ERC2: variants seen among roughly 807,000 people sequenced by gnomAD.
The protein encoded by ERC2 is ELKS/RAB6-interacting/CAST family member 2, also known as ERC protein 2.
In ERC2, 42 loss-of-function variants were observed where a neutral mutation model predicts 114.8. The ratio of observed to expected loss-of-function variants is 0.37; its 90% CI spans 0.29 to 0.47. The LOEUF is 0.47. Among genes scored for constraint, ERC2 ranks in the 20% least tolerant of loss-of-function variants. The pLI, the probability that ERC2 is intolerant of heterozygous loss-of-function variation, is 0.99. For synonymous variants in ERC2, 454 were observed against 425.5 expected (o/e 1.07, Z -0.82); for missense variants, 939 against 1,150.7 (o/e 0.82, Z 2.66).
chr3:56,017,499 G>C (rs1179269386), intron 8 of ERC2, among the ~76,000 whole-genome samples: 1 of 152,078 alleles, frequency 6.6e-6, no homozygotes, highest in East Asian at 1.9e-4. Flanking sequence ...TAAAAATCTT[G>C]TCTCACAAGG....
Position 55,786,377 on chromosome 3 carries a change from G to C in ERC2, c.2565-51459C>G, listed in dbSNP as rs111706975. ...CATGCCCATTGAGCTCATTACAGAG[G>C]AACAAAAAAGTCTGATCTCTGGGTC... On this transcript the variant is annotated intron_variant, in intron 14 of 17. Coordinates refer to ENST00000288221, the MANE Select transcript of ERC2 (RefSeq NM_015576.3). 3.0e-3 allele frequency among the ~76,000 whole-genome samples: 458 copies of C among 152,258 alleles called. 2 individuals carry two copies. The highest frequency in any genetic ancestry group is 0.01 in the African/African-American group (436 of 41,542).
chr3:55,777,149 C>T (rs1313751163), intron 14 of ERC2, among the ~76,000 whole-genome samples: 1 of 152,196 alleles, frequency 6.6e-6, no homozygotes, highest in Admixed American at 6.5e-5. Flanking sequence ...GGACAAATGG[C>T]CTTGCCAGGC....
chr3:55,758,630 C>T (rs1272147478), intron 14 of ERC2, among the ~76,000 whole-genome samples: 10 of 152,340 alleles, frequency 6.6e-5, no homozygotes, highest in Non-Finnish European at 1.3e-4. Flanking sequence ...CTAGCCTACA[C>T]GCCAAGGGCT....
intron 17 of ERC2, among the ~76,000 whole-genome samples, chr3:55,647,511 A>C (rs2060445333): frequency 6.6e-6 from 1 of 152,246 alleles, no homozygotes; most frequent in South Asian, 2.1e-4. Context: ...GTAAAACATT[A>C]AGAAATATAC....
chr3:56,390,085 T>C (rs1448306606), intron 2 of ERC2, among the ~76,000 whole-genome samples: 1 of 152,168 alleles, frequency 6.6e-6, no homozygotes, highest in East Asian at 1.9e-4. Flanking sequence ...AACTCAGGAA[T>C]GGAATAATAT....
intron 2 of ERC2, among the ~76,000 whole-genome samples, chr3:56,406,604 G>C (rs1394596711): frequency 6.6e-6 from 1 of 152,092 alleles, no homozygotes; most frequent in Non-Finnish European, 1.5e-5. Flanking sequence ...TTTGAACAAG[G>C]GCCCTGTATT....
intron 1 of ERC2, among the ~76,000 whole-genome samples, chr3:56,459,325 A>G (rs2063205560): frequency 6.6e-6 from 1 of 152,234 alleles, no homozygotes. Context: ...CTTAAAGAAC[A>G]GTCACATTGC....
intron 14 of ERC2, among the ~76,000 whole-genome samples, chr3:55,763,005 A>G (rs2067548927): frequency 8.9e-6 from 1 of 112,912 alleles, no homozygotes; most frequent in African/African-American, 3.2e-5. Flanking sequence ...GGAATGATAG[A>G]GGTTAAATAC....
At chr3:55,608,454 C>T (rs148360874) in intron 17 of ERC2, among the ~76,000 whole-genome samples, 59 of 152,230 alleles carry the variant, frequency 3.9e-4, no homozygotes, top group African/African-American at 1.3e-3. Context: ...CAGTTGAGTT[C>T]CCACTGCTCA....
At chr3:56,121,265 T>C (rs1379887730) in intron 6 of ERC2, among the ~76,000 whole-genome samples, 1 of 152,234 alleles carries the variant, frequency 6.6e-6, no homozygotes, top group Non-Finnish European at 1.5e-5. Context: ...TCTTTCTCGG[T>C]TCATCGATCT....
At chr3:55,660,615 TGTGA>T (rs1339115413) in intron 17 of ERC2, among the ~76,000 whole-genome samples, 1 of 152,202 alleles carries the variant, frequency 6.6e-6, no homozygotes, top group East Asian at 1.9e-4. Flanking sequence ...CATTCTTAGT[TGTGA>T]GTGTTTAGCA....
Position 56,010,483 on chromosome 3 carries a change from A to C in ERC2, c.1886T>G (p.Val629Gly), listed in dbSNP as rs2072834872. The C allele has an allele frequency of 6.2e-7, 1 of 1,613,432 alleles. No individual in the cohort carries two copies. The highest frequency in any genetic ancestry group is 8.5e-7 in the Non-Finnish European group (1 of 1,179,694). ...RKENKDLKEK[V>G]NALQAELTEK... is the part of the protein sequence containing the mutation. ...AGTCAGTTCAGCCTGTAAAGCATTG[A>C]CCTTCTCTTTCAGGTCTTTGTTCTC... is the stretch of plus-strand genomic sequence containing the variant. The change falls in exon 9 of 18, where the codon GTC (valine) becomes GGC (glycine). Residue 629 changes from valine (V) to glycine (G), a missense_variant. Val to Gly is a moderately radical substitution (Grantham distance 109). This residue lies in a region of ERC2 where 149 missense variants were observed against 254.6 expected (regional missense o/e 0.59). Transcript: ENST00000288221.
chr3:56,165,352 G>C (rs2082266894), intron 4 of ERC2, among the ~76,000 whole-genome samples: 1 of 151,610 alleles, frequency 6.6e-6, no homozygotes, highest in African/African-American at 2.4e-5. Flanking sequence ...TAAGTTTTAG[G>C]GTACATGTGC....
At chr3:55,760,604 C>A (rs760665363) in intron 14 of ERC2, among the ~76,000 whole-genome samples, 19 of 152,128 alleles carry the variant, frequency 1.2e-4, no homozygotes, top group African/African-American at 2.4e-5. Context: ...CAAGAGATGA[C>A]TGGATCACAA....
At chr3:56,135,588 T>C (rs571887821) in intron 6 of ERC2, among the ~76,000 whole-genome samples, 37 of 152,328 alleles carry the variant, frequency 2.4e-4, no homozygotes, top group Non-Finnish European at 4.6e-4. Context: ...TTCACATAGA[T>C]GTATGAGGCT....
chr3:55,798,311 G>A (rs2070679237), intron 14 of ERC2, among the ~76,000 whole-genome samples: 1 of 152,076 alleles, frequency 6.6e-6, no homozygotes. Flanking sequence ...TCACAGAGGG[G>A]CTGGGTGCAG....
chr3:56,027,560 C>T (rs2074121119), intron 7 of ERC2, among the ~76,000 whole-genome samples: 2 of 152,174 alleles, frequency 1.3e-5, no homozygotes, highest in South Asian at 4.1e-4. Context: ...TTGCATTTCC[C>T]TAATGGCTAA....
chr3:56,447,338 AT>A (rs540894770), intron 1 of ERC2, among the ~76,000 whole-genome samples: 253 of 152,304 alleles, frequency 1.7e-3, no homozygotes, highest in Middle Eastern at 3.4e-3. Context: ...GGTCGGACAG[AT>A]TGATTTCCAG....
At chr3:55,956,357 C>T (rs1304605390) in intron 12 of ERC2, among the ~76,000 whole-genome samples, 1 of 151,024 alleles carries the variant, frequency 6.6e-6, no homozygotes, top group Non-Finnish European at 1.5e-5. Flanking sequence ...AGATGGGCCA[C>T]ACACACACGA....
Sources: gnomAD v4.1 joint callset for allele counts (sites outside exome capture counted in the v4.1 genomes callset) on GRCh38, gnomAD v4.1.1 for gene constraint, gnomAD v4.1.1 regional missense constraint, MANE v1.5 for transcripts, NCBI Gene and HGNC (gene_info 2026-07-23, HGNC 2026-07-21) for gene names.